Variants in INPP4B observed in about 807,000 individuals in gnomAD.
INPP4B encodes the protein inositol polyphosphate-4-phosphatase type II B.
A neutral mutation model predicts 122.5 loss-of-function variants in INPP4B; 55 were observed. The observed-to-expected ratio is 0.45, with a 90% CI of 0.36 to 0.56. INPP4B has a LOEUF of 0.56. Ranked by LOEUF, INPP4B falls within the 20% of genes least tolerant of loss-of-function variation. The probability of loss-of-function intolerance (pLI) is 0.00; values close to 1 mark genes in which losing one functional copy is unlikely to be tolerated. For synonymous variants in INPP4B, 403 were observed against 388.7 expected, an observed-to-expected ratio of 1.04 and a Z score of -0.43; for missense variants, 1,000 against 1,097.7, an observed-to-expected ratio of 0.91 and a Z score of 1.26.
Position 142,410,061 on chromosome 4 carries a change from T to A in INPP4B, c.137-4737A>T, listed in dbSNP as rs1804274291. Among the ~76,000 whole-genome samples the A allele has an allele frequency of 2.0e-5, 3 of 152,380 alleles. No individual in the cohort carries two copies. In the South Asian group the frequency reaches 6.2e-4, roughly 32 times the overall value. On this transcript the variant is annotated intron_variant, in intron 5 of 25. Transcript: ENST00000262992. ...CAGGTGAAGGCTATTGAGTCCATGATCATTTCTATCATTCCAACCAATTTT... is the reference window on the plus strand; with the variant it reads ...CAGGTGAAGGCTATTGAGTCCATGAACATTTCTATCATTCCAACCAATTTT...
intron 10 of INPP4B, among the ~76,000 whole-genome samples, chr4:142,263,058 C>CAGATCTTAACTAATCTTA (rs2053386221): frequency 6.6e-6 from 1 of 152,176 alleles, no homozygotes; most frequent in Admixed American, 6.5e-5. Flanking sequence ...TCCAATACAA[C>CAGATCTTAACTAATCTTA]ACAGATCTTA....
chr4:142,591,662 A>G (rs1335290257), intron 2 of INPP4B, among the ~76,000 whole-genome samples: 2 of 152,170 alleles, frequency 1.3e-5, no homozygotes, highest in Non-Finnish European at 2.9e-5. Flanking sequence ...AGGTCCTGAC[A>G]AACACTGTCT....
rs78430383 is a variant in INPP4B, at chr4:142,807,082, G to A, written c.-254+39127C>T. ...TGCTATAAATTTTTTGTGTTTGTAA[G>A]CATCTAGAAATGATGCACAAGCACC... On this transcript the variant is annotated intron_variant, in intron 1 of 25. Coordinates refer to ENST00000262992, the MANE Select transcript of INPP4B (RefSeq NM_001101669.3). Among the ~76,000 whole-genome samples the A allele has an allele frequency of 7.9e-3, 1,196 of 152,258 alleles. 15 individuals carry two copies. Among genetic ancestry groups the A allele is most frequent in the African/African-American group, 0.027 (1,126 of 41,552 alleles).
In INPP4B at chr4:142,777,553, TCCAGGTAGG is replaced by T. The variant is rs1467909948; in HGVS notation, c.-253-51661_-253-51653del. 1.3e-5 allele frequency among the ~76,000 whole-genome samples: 2 copies of T among 152,130 alleles called. 1 individual carries two copies. The highest frequency in any genetic ancestry group is 3.9e-4 in the East Asian group (2 of 5,192). The stretch of plus-strand genomic sequence containing the variant: ...GCCTACTGACACCCTGAGCCTCTGA[TCCAGGTAGG>T]CCACGCCCAACCTCCTGACCCACAG... On this transcript the variant is annotated intron_variant, in intron 1 of 25. Coordinates refer to ENST00000262992, the MANE Select transcript of INPP4B (RefSeq NM_001101669.3).
chr4:142,417,074 G>GA (rs1241971505), intron 5 of INPP4B, among the ~76,000 whole-genome samples: 3 of 152,014 alleles, frequency 2.0e-5, no homozygotes, highest in African/African-American at 4.8e-5. Flanking sequence ...GTGTTTGAAG[G>GA]AAAAAAGAGC....
intron 3 of INPP4B, among the ~76,000 whole-genome samples, chr4:142,432,787 C>G (rs990140962): frequency 2.0e-5 from 3 of 152,012 alleles, no homozygotes; most frequent in African/African-American, 7.2e-5. Context: ...AAGACTCAAC[C>G]CACAATCCTG....
intron 2 of INPP4B, among the ~76,000 whole-genome samples, chr4:142,663,936 G>A (rs1055360152): frequency 6.6e-6 from 1 of 152,092 alleles, no homozygotes; most frequent in Non-Finnish European, 1.5e-5. Flanking sequence ...TAATTACCTT[G>A]GGAAAATATT....
intron 12 of INPP4B, among the ~76,000 whole-genome samples, chr4:142,223,211 C>T (rs1850134992): frequency 6.6e-6 from 1 of 151,992 alleles, no homozygotes. Context: ...CACACACACA[C>T]ACACTCACAC....
chr4:142,473,615 T>C (rs1819288787), intron 2 of INPP4B, among the ~76,000 whole-genome samples: 2 of 152,140 alleles, frequency 1.3e-5, no homozygotes, highest in South Asian at 4.1e-4. Context: ...AGGTCGCAGT[T>C]TGGTGCCTGA....
intron 21 of INPP4B, among the ~76,000 whole-genome samples, chr4:142,116,015 G>C (rs1029224499): frequency 6.6e-6 from 1 of 152,098 alleles, no homozygotes; most frequent in Non-Finnish European, 1.5e-5. Context: ...TGCAATCCTA[G>C]TCTCTGATAA....
intron 2 of INPP4B, among the ~76,000 whole-genome samples, chr4:142,536,827 C>G (rs1828252626): frequency 6.6e-6 from 1 of 152,112 alleles, no homozygotes; most frequent in South Asian, 2.1e-4. Context: ...GAGTCTTACT[C>G]TGTCACCAGG....
At chr4:142,563,263 C>G (rs894652582) in intron 2 of INPP4B, among the ~76,000 whole-genome samples, 5 of 152,110 alleles carry the variant, frequency 3.3e-5, no homozygotes, top group Non-Finnish European at 5.9e-5. Flanking sequence ...TACTTAGAGT[C>G]CACAGTTTGC....
At chr4:142,668,795 T>C (rs1475424831) in intron 2 of INPP4B, among the ~76,000 whole-genome samples, 1 of 151,992 alleles carries the variant, frequency 6.6e-6, no homozygotes, top group East Asian at 1.9e-4. Context: ...ATGCCTGTAA[T>C]CCCAGCACTT....
At chr4:142,597,005 T>C (rs1355264571) in intron 2 of INPP4B, among the ~76,000 whole-genome samples, 1 of 152,248 alleles carries the variant, frequency 6.6e-6, no homozygotes, top group Non-Finnish European at 1.5e-5. Context: ...GCCACTGTTA[T>C]GTAGTAAAAG....
At chr4:142,114,457 T>C (rs1465408661) in intron 21 of INPP4B, among the ~76,000 whole-genome samples, 1 of 152,104 alleles carries the variant, frequency 6.6e-6, no homozygotes, top group African/African-American at 2.4e-5. Context: ...TCTTATCTGA[T>C]GATTCTAGTG....
At chr4:142,271,266 C>G (rs543278624) in intron 9 of INPP4B, among the ~76,000 whole-genome samples, 1 of 152,204 alleles carries the variant, frequency 6.6e-6, no homozygotes, top group Non-Finnish European at 1.5e-5. Context: ...TAAAATTATC[C>G]ATGAATGTGT....
chr4:142,674,696 T>TAG (rs1471973717), intron 2 of INPP4B, among the ~76,000 whole-genome samples: 2 of 152,102 alleles, frequency 1.3e-5, no homozygotes, highest in East Asian at 3.9e-4. Flanking sequence ...GCAATGAAAT[T>TAG]AGACCTCAGG....
intron 25 of INPP4B, among the ~76,000 whole-genome samples, chr4:142,067,809 C>T (rs895363370): frequency 2.6e-5 from 4 of 152,226 alleles, no homozygotes; most frequent in African/African-American, 7.2e-5. Context: ...CGAACGAAGC[C>T]TCCAAGAACT....
chr4:142,549,330 G>A (rs76106117), intron 2 of INPP4B, among the ~76,000 whole-genome samples: 394 of 152,192 alleles, frequency 2.6e-3, no homozygotes, highest in Non-Finnish European at 4.7e-3. Context: ...TGGAATGTGG[G>A]AGGGCACGGG....
Sources: allele counts gnomAD v4.1 joint callset (sites outside exome capture counted in the v4.1 genomes callset), GRCh38; gene constraint gnomAD v4.1.1; transcripts MANE v1.5; gene names NCBI Gene and HGNC (gene_info 2026-07-23, HGNC 2026-07-21).